The following ACTR3C variants were observed in gnomAD, a reference collection of about 807,000 sequenced individuals.
ACTR3C encodes the protein actin related protein 3C, also known as actin-related protein 3C.
ACTR3C carries 18 observed loss-of-function variants against 26.3 expected under a neutral mutation model. The observed-to-expected ratio is 0.68, with a 90% CI of 0.47 to 1.01. The LOEUF (loss-of-function observed/expected upper bound fraction) is 1.01, where lower values mean the gene tolerates loss of function less well. Ranked by LOEUF, ACTR3C falls within the 50% of genes least tolerant of loss-of-function variation. ACTR3C has a pLI of 0.00. For missense variants in ACTR3C, 184 were observed against 250.7 expected (o/e 0.73, Z 1.80); for synonymous variants, 55 against 94.5 (o/e 0.58, Z 2.42).
In ACTR3C at chr7:150,289,479, G is replaced by C. The variant is rs759698521; in HGVS notation, c.268C>G (p.Gln90Glu). The change falls in exon 4 of 8, where the codon CAG (glutamine) becomes GAG (glutamate). Residue 90 changes from glutamine (Q) to glutamate (E), a missense_variant. Transcript: ENST00000683684. Reference protein sequence around the residue: ...REREVGIPPEQSLETAKAIKE... With the variant: ...REREVGIPPEESLETAKAIKE... ...ATGGCTTTTGCGGTCTCCAGTGACT[G>C]CTCAGGAGGGATTCCCACCTCCCTC... 28 of 1,588,270 alleles carry C rather than the reference G, an allele frequency of 1.8e-5. No homozygotes were observed. In the South Asian group the frequency reaches 2.5e-4, roughly 14 times the overall value.
chr7:150,050,790 C>G, the ACTR3C span, among the ~76,000 whole-genome samples: 1 of 151,894 alleles, frequency 6.6e-6, no homozygotes, highest in African/African-American at 2.4e-5. Flanking sequence ...GCACACTGAA[C>G]GCGGTGCTTC....
intron 6 of ACTR3C, among the ~76,000 whole-genome samples, chr7:150,281,127 T>A (rs1256529070): frequency 6.6e-6 from 1 of 151,994 alleles, no homozygotes; most frequent in Admixed American, 6.5e-5. Context: ...CCATCACTCC[T>A]GGAGAGAGGG....
the ACTR3C span, among the ~76,000 whole-genome samples, chr7:150,105,792 G>C: frequency 6.6e-6 from 1 of 151,932 alleles, no homozygotes; most frequent in African/African-American, 2.4e-5. Context: ...GTCTGCTTAG[G>C]GCAAATAAAA....
the ACTR3C span, among the ~76,000 whole-genome samples, chr7:150,037,688 G>T: frequency 9.4e-6 from 1 of 106,476 alleles, no homozygotes; most frequent in Middle Eastern, 4.5e-3. Context: ...GGGTCCTAAG[G>T]ATCTTAGGAT....
At chr7:150,020,907 G>A in the ACTR3C span, among the ~76,000 whole-genome samples, 5 of 151,810 alleles carry the variant, frequency 3.3e-5, no homozygotes, top group South Asian at 2.1e-4. Context: ...TGCAACCTCC[G>A]CCTCCCAGGT....
chr7:149,994,865 G>C, the ACTR3C span, among the ~76,000 whole-genome samples: 7 of 43,508 alleles, frequency 1.6e-4, no homozygotes, highest in Non-Finnish European at 2.9e-4. Flanking sequence ...TTTTTTTTTT[G>C]AGATGGAGTA....
At chr7:150,227,308 T>G in the ACTR3C span, among the ~76,000 whole-genome samples, 1 of 151,222 alleles carries the variant, frequency 6.6e-6, no homozygotes, top group African/African-American at 2.5e-5. Flanking sequence ...CTCCTTCATT[T>G]TTAGCCCCAG....
the ACTR3C span, among the ~76,000 whole-genome samples, chr7:150,061,556 GCTTT>G: frequency 2.2e-5 from 1 of 46,326 alleles, no homozygotes; most frequent in African/African-American, 7.2e-5. Flanking sequence ...CTTTGGGGTA[GCTTT>G]ATAACCATAC....
chr7:149,889,900 C>G, the ACTR3C span, among the ~76,000 whole-genome samples: 1 of 152,042 alleles, frequency 6.6e-6, no homozygotes, highest in Non-Finnish European at 1.5e-5. Context: ...TAAAATAAAC[C>G]ACTGTGGATG....
At chr7:149,971,760 C>A in the ACTR3C span, among the ~76,000 whole-genome samples, 1 of 152,188 alleles carries the variant, frequency 6.6e-6, no homozygotes, top group Non-Finnish European at 1.5e-5. Context: ...CTTTCGTGTG[C>A]CCTGATCTGG....
At chr7:150,003,246 T>TTGTGTGTGTGG in the ACTR3C span, among the ~76,000 whole-genome samples, 3 of 152,338 alleles carry the variant, frequency 2.0e-5, no homozygotes, top group East Asian at 5.8e-4. Context: ...GTGTTTGCAT[T>TTGTGTGTGTGG]TGTGTGTGTG....
the ACTR3C span, among the ~76,000 whole-genome samples, chr7:150,064,006 C>T: frequency 3.4e-4 from 51 of 151,928 alleles, no homozygotes; most frequent in East Asian, 3.5e-3. Flanking sequence ...CTTGCTTGAA[C>T]GGGTAAAATG....
At chr7:150,244,060 G>GTATTCAGTATAGTCTTAGAATATTGAA (rs1442111838), downstream of ACTR3C, 1 of 151,196 alleles carries the variant, frequency 6.6e-6, no homozygotes, top group African/African-American at 2.4e-5. Context: ...TAGTCATTCA[G>GTATTCAGTATAGTCTTAGAATATTGAA]TATTCAGTAT....
intron 6 of ACTR3C, among the ~76,000 whole-genome samples, chr7:150,253,206 GGTA>G (rs1316327997): frequency 6.6e-6 from 1 of 152,130 alleles, no homozygotes; most frequent in Admixed American, 6.5e-5. Flanking sequence ...GTCATGCATG[GGTA>G]ATGTCCTCTG....
chr7:150,066,971 C>T, the ACTR3C span, among the ~76,000 whole-genome samples: 1 of 152,192 alleles, frequency 6.6e-6, no homozygotes, highest in Non-Finnish European at 1.5e-5. Flanking sequence ...GAAGGGTCCT[C>T]TTCTTTTCTA....
At chr7:150,312,592 A>G (rs1796423718) in intron 1 of ACTR3C, among the ~76,000 whole-genome samples, 1 of 152,156 alleles carries the variant, frequency 6.6e-6, no homozygotes, top group African/African-American at 2.4e-5. Flanking sequence ...CAAACTCAAA[A>G]ATATGCTAAC....
At chr7:150,219,952 C>A in the ACTR3C span, among the ~76,000 whole-genome samples, 1 of 146,476 alleles carries the variant, frequency 6.8e-6, no homozygotes, top group East Asian at 1.9e-4. Context: ...GCTGCACCTG[C>A]CAGCCCAGCC....
At chr7:150,197,136 A>C in the ACTR3C span, among the ~76,000 whole-genome samples, 1 of 152,192 alleles carries the variant, frequency 6.6e-6, no homozygotes, top group African/African-American at 2.4e-5. Flanking sequence ...TCTCCTCTGC[A>C]GAGGCTGGTT....
chr7:150,034,453 C>G, the ACTR3C span, among the ~76,000 whole-genome samples: 2 of 151,236 alleles, frequency 1.3e-5, no homozygotes, highest in Non-Finnish European at 3.0e-5. Context: ...TGTTGGGATC[C>G]CCATTTCAAA....
Sources: gnomAD v4.1 joint callset for allele counts (sites outside exome capture counted in the v4.1 genomes callset) on GRCh38, gnomAD v4.1.1 for gene constraint, MANE v1.5 for transcripts, NCBI Gene and HGNC (gene_info 2026-07-23, HGNC 2026-07-21) for gene names.